Variants in ZFPM2 observed in about 807,000 individuals in gnomAD.
ZFPM2 encodes the protein zinc finger protein, FOG family member 2.
Under a neutral mutation model 98.6 loss-of-function variants are expected in ZFPM2, and 20 were observed. The observed-to-expected ratio is 0.20, with a 90% CI of 0.14 to 0.29. The LOEUF (loss-of-function observed/expected upper bound fraction) is 0.29. ZFPM2 is among the 10% of genes least tolerant of loss of function. The pLI, the probability that ZFPM2 is intolerant of heterozygous loss-of-function variation, is 1.00. For missense variants in ZFPM2, 1,310 were observed against 1,388.6 expected (o/e 0.94, Z 0.90); for synonymous variants, 518 against 502.7 (o/e 1.03, Z -0.41).
At chr8:105,564,500 C>G (rs1586466201) in intron 4 of ZFPM2, among the ~76,000 whole-genome samples, 1 of 151,926 alleles carries the variant, frequency 6.6e-6, no homozygotes, top group Non-Finnish European at 1.5e-5. Context: ...ACTACTGTTA[C>G]TACTGTACAT....
chr8:105,345,424 T>C (rs1216162789), intron 1 of ZFPM2, among the ~76,000 whole-genome samples: 1 of 116,524 alleles, frequency 8.6e-6, no homozygotes, highest in Non-Finnish European at 1.7e-5. Flanking sequence ...TTCGTGATGT[T>C]CTTTTTTTTT....
intron 5 of ZFPM2, among the ~76,000 whole-genome samples, chr8:105,765,904 G>C (rs1380072973): frequency 6.6e-6 from 1 of 151,790 alleles, no homozygotes; most frequent in African/African-American, 2.4e-5. Context: ...TTAATAATTT[G>C]TCACTGGCAT....
chr8:105,412,611 G>A (rs1811599144), intron 1 of ZFPM2, among the ~76,000 whole-genome samples: 1 of 151,480 alleles, frequency 6.6e-6, no homozygotes, highest in South Asian at 2.1e-4. Context: ...CTTCCTACTA[G>A]ATCCCCTGAT....
chr8:105,513,979 T>C (rs1813866073), intron 3 of ZFPM2, among the ~76,000 whole-genome samples: 1 of 150,808 alleles, frequency 6.6e-6, no homozygotes, highest in Admixed American at 6.6e-5. Context: ...TCACAAAGAT[T>C]TGAAATTAGT....
At chr8:105,601,141 T>C (rs1295138039) in intron 4 of ZFPM2, among the ~76,000 whole-genome samples, 1 of 152,084 alleles carries the variant, frequency 6.6e-6, no homozygotes, top group Non-Finnish European at 1.5e-5. Flanking sequence ...GAATCGTTTT[T>C]CTCCATCACC....
chr8:105,786,783 G>A (rs1485909940), intron 5 of ZFPM2, among the ~76,000 whole-genome samples: 1 of 152,156 alleles, frequency 6.6e-6, no homozygotes, highest in Non-Finnish European at 1.5e-5. Context: ...CTATCTTATA[G>A]CTTACCACAG....
chr8:105,736,625 A>G (rs1291150813), intron 5 of ZFPM2, among the ~76,000 whole-genome samples: 1 of 152,048 alleles, frequency 6.6e-6, no homozygotes, highest in Non-Finnish European at 1.5e-5. Flanking sequence ...CAGAGACCCT[A>G]GAAGCAGAGT....
chr8:105,366,740 A>G (rs1180146871), intron 1 of ZFPM2, among the ~76,000 whole-genome samples: 3 of 142,034 alleles, frequency 2.1e-5, no homozygotes, highest in East Asian at 2.1e-4. Context: ...TCATTGTTCA[A>G]TTCCCACCTA....
At chr8:105,496,479 T>A (rs1369937197) in intron 3 of ZFPM2, among the ~76,000 whole-genome samples, 4 of 152,088 alleles carry the variant, frequency 2.6e-5, no homozygotes, top group Non-Finnish European at 5.9e-5. Context: ...ATTGAAGTTA[T>A]GTGTTTGGGG....
Position 105,370,925 on chromosome 8 carries a change from C to A in ZFPM2, c.41-48219C>A, listed in dbSNP as rs912365948. Among the ~76,000 whole-genome samples the A allele has an allele frequency of 2.0e-5, 3 of 152,170 alleles. No homozygotes were observed. In the East Asian group the frequency reaches 5.8e-4, roughly 29 times the overall value. Reference sequence around the variant, plus strand: ...GTTGTGCTGTGTGTACACACAGCAGCAGTTGTCCTCATGAACCTCTGTGAT... The same window carrying A: ...GTTGTGCTGTGTGTACACACAGCAGAAGTTGTCCTCATGAACCTCTGTGAT... On this transcript the variant is annotated intron_variant, in intron 1 of 7. Coordinates refer to ENST00000407775, the MANE Select transcript of ZFPM2 (RefSeq NM_012082.4).
chr8:105,601,473 C>G (rs563815720), intron 4 of ZFPM2, among the ~76,000 whole-genome samples: 1 of 152,146 alleles, frequency 6.6e-6, no homozygotes, highest in African/African-American at 2.4e-5. Context: ...TTATTTTACT[C>G]CCTCTGCTCT....
intron 4 of ZFPM2, among the ~76,000 whole-genome samples, chr8:105,621,677 A>G (rs543595296): frequency 1.3e-5 from 2 of 152,304 alleles, no homozygotes; most frequent in Admixed American, 6.5e-5. Context: ...ATCTATGTAT[A>G]TGCCATTTAG....
intron 3 of ZFPM2, among the ~76,000 whole-genome samples, chr8:105,549,038 T>G (rs778463984): frequency 6.6e-6 from 1 of 152,192 alleles, no homozygotes; most frequent in African/African-American, 2.4e-5. Flanking sequence ...TGTAGGTCTA[T>G]TGATCACACC....
chr8:105,508,850 GA>G (rs35139970), intron 3 of ZFPM2, among the ~76,000 whole-genome samples: 11 of 124,858 alleles, frequency 8.8e-5, no homozygotes, highest in East Asian at 2.7e-4. Flanking sequence ...GATTTTTTTT[GA>G]AAAAAAAAAA....
intron 1 of ZFPM2, among the ~76,000 whole-genome samples, chr8:105,362,724 G>A (rs1379819066): frequency 6.6e-6 from 1 of 152,110 alleles, no homozygotes; most frequent in Non-Finnish European, 1.5e-5. Context: ...CACAATATTG[G>A]AAGTAGCAGC....
intron 5 of ZFPM2, among the ~76,000 whole-genome samples, chr8:105,738,204 T>C: frequency 6.6e-6 from 1 of 152,100 alleles, no homozygotes; most frequent in East Asian, 1.9e-4. Context: ...TAAGTGTGTG[T>C]TGTTCCCCAC....
intron 4 of ZFPM2, among the ~76,000 whole-genome samples, chr8:105,611,988 C>T (rs748140355): frequency 1.3e-5 from 2 of 152,060 alleles, no homozygotes; most frequent in Non-Finnish European, 2.9e-5. Flanking sequence ...CATGAGCCAC[C>T]ACGCCCAGTC....
rs539072502 is a variant in ZFPM2 at position 105,499,588 on chromosome 8, T to C, written c.301+55207T>C. ...TTTAATGGAAGGAGAGAAGATTCCA[T>C]GGTCAGATTCCCAAGCTCTCTGTAC... is the stretch of plus-strand genomic sequence containing the variant. On this transcript the variant is annotated intron_variant, in intron 3 of 7. Transcript: ENST00000407775. 6.6e-5 allele frequency among the ~76,000 whole-genome samples: 10 copies of C among 152,316 alleles called. No homozygotes were observed. The South Asian group carries it at 1.9e-3, about 28-fold the overall frequency.
intron 5 of ZFPM2, among the ~76,000 whole-genome samples, chr8:105,679,848 C>A (rs1204694669): frequency 2.0e-5 from 3 of 150,482 alleles, no homozygotes; most frequent in African/African-American, 7.3e-5. Flanking sequence ...TTGTAATAAC[C>A]AAATTACTAA....
Sources: allele counts gnomAD v4.1 joint callset (sites outside exome capture counted in the v4.1 genomes callset), GRCh38; gene constraint gnomAD v4.1.1; transcripts MANE v1.5; gene names NCBI Gene and HGNC (gene_info 2026-07-23, HGNC 2026-07-21).